Variants in CMTM8 observed in about 807,000 individuals in gnomAD.
The protein encoded by CMTM8 is CKLF like MARVEL transmembrane domain containing 8.
Under a neutral mutation model 18.6 loss-of-function variants are expected in CMTM8, and 12 were observed. The observed-to-expected ratio is 0.65, with a 90% confidence interval of 0.41 to 1.05. CMTM8 has a LOEUF of 1.05. Ranked by LOEUF, CMTM8 falls within the 50% of genes least tolerant of loss-of-function variation. The pLI, the probability that CMTM8 is intolerant of heterozygous loss-of-function variation, is 0.00. For missense variants in CMTM8, 217 were observed against 227.2 expected (o/e 0.95, Z 0.29); for synonymous variants, 87 against 90.6 (o/e 0.96, Z 0.23).
At chr3:32,353,854 G>A (rs1375954597) in intron 1 of CMTM8, among the ~76,000 whole-genome samples, 1 of 146,966 alleles carries the variant, frequency 6.8e-6, no homozygotes, top group African/African-American at 2.5e-5. Flanking sequence ...GCACGATCTC[G>A]GCTCACTGCA....
chr3:32,369,811 G>A, intron 3 of CMTM8, 73 bp from the exon 4 acceptor site: 1 of 909,594 alleles, frequency 1.1e-6, no homozygotes, highest in Non-Finnish European at 1.8e-6. Context: ...TGATTCAATG[G>A]AGGTGAAATG....
At chr3:32,294,275 G>A (rs116624455) in intron 1 of CMTM8, among the ~76,000 whole-genome samples, 1,589 of 152,284 alleles carry the variant, frequency 0.01, 31 homozygotes, top group African/African-American at 0.037. Flanking sequence ...CTGTGTCCAG[G>A]TCTTTGTGCT....
chr3:32,332,542 G>T (rs1258321676), intron 1 of CMTM8, among the ~76,000 whole-genome samples: 1 of 152,144 alleles, frequency 6.6e-6, no homozygotes, highest in Non-Finnish European at 1.5e-5. Flanking sequence ...TAGGGTAAAG[G>T]CCTCATGGGG....
intron 1 of CMTM8, among the ~76,000 whole-genome samples, chr3:32,291,028 G>A (rs893207379): frequency 1.3e-5 from 2 of 152,154 alleles, no homozygotes; most frequent in African/African-American, 2.4e-5. Context: ...GATTACAGGC[G>A]TGAACCGCTG....
intron 1 of CMTM8, among the ~76,000 whole-genome samples, chr3:32,255,983 C>T (rs918535303): frequency 6.6e-6 from 1 of 152,186 alleles, no homozygotes; most frequent in Non-Finnish European, 1.5e-5. Flanking sequence ...CTGCGTTGGC[C>T]TCCCAAAGTG....
intron 1 of CMTM8, among the ~76,000 whole-genome samples, chr3:32,293,846 A>G (rs911614140): frequency 2.0e-5 from 3 of 152,228 alleles, no homozygotes; most frequent in African/African-American, 7.2e-5. Flanking sequence ...CTCTGCCTCA[A>G]TAAATAAACA....
chr3:32,335,526 G>A (rs989561031), intron 1 of CMTM8, among the ~76,000 whole-genome samples: 1 of 152,186 alleles, frequency 6.6e-6, no homozygotes, highest in African/African-American at 2.4e-5. Flanking sequence ...GTTTTCAGGG[G>A]CCAGGTGGTC....
At chr3:32,362,804 A>C (rs901208770) in intron 2 of CMTM8, among the ~76,000 whole-genome samples, 1 of 152,122 alleles carries the variant, frequency 6.6e-6, no homozygotes, top group African/African-American at 2.4e-5. Context: ...AGAAAATGGG[A>C]CCTTCCTGTT....
chr3:32,247,875 A>G (rs918089072), intron 1 of CMTM8, among the ~76,000 whole-genome samples: 1 of 152,130 alleles, frequency 6.6e-6, no homozygotes, highest in African/African-American at 2.4e-5. Flanking sequence ...GTCACTCCCC[A>G]TTCCTCCCTT....
At chr3:32,344,900 CAAAA>C (rs1025278292) in intron 1 of CMTM8, among the ~76,000 whole-genome samples, 2 of 151,870 alleles carry the variant, frequency 1.3e-5, no homozygotes, top group Non-Finnish European at 2.9e-5. Flanking sequence ...GTCTCAAAAA[CAAAA>C]AACCTGACAT....
chr3:32,272,733 C>T (rs937334582), intron 1 of CMTM8, among the ~76,000 whole-genome samples: 1 of 152,102 alleles, frequency 6.6e-6, no homozygotes, highest in East Asian at 1.9e-4. Flanking sequence ...ATCTTTTCAC[C>T]CTCCACTCAT....
At chr3:32,344,287 GGTTAGCCTAGTTAATT>G (rs1291960415) in intron 1 of CMTM8, among the ~76,000 whole-genome samples, 1 of 152,122 alleles carries the variant, frequency 6.6e-6, no homozygotes, top group Non-Finnish European at 1.5e-5. Flanking sequence ...TTTACTTCTA[GGTTAGCCTAGTTAATT>G]GTCAAAAGTT....
chr3:32,259,269 G>T, intron 1 of CMTM8: 2 of 639,408 alleles, frequency 3.1e-6, no homozygotes, highest in Non-Finnish European at 5.8e-6. Flanking sequence ...CCGTGAACTG[G>T]AGGCTGGAGA....
At chr3:32,320,994 T>G (rs1696034419) in intron 1 of CMTM8, among the ~76,000 whole-genome samples, 1 of 152,164 alleles carries the variant, frequency 6.6e-6, no homozygotes, top group African/African-American at 2.4e-5. Context: ...TCTTTGTACT[T>G]CATAGGCAAC....
At chr3:32,341,687 G>A (rs1475488337) in intron 1 of CMTM8, among the ~76,000 whole-genome samples, 2 of 151,622 alleles carry the variant, frequency 1.3e-5, no homozygotes, top group Non-Finnish European at 2.9e-5. Flanking sequence ...GACCAGCCTG[G>A]CCAACATGGC....
chr3:32,242,548 G>A (rs1005525219), intron 1 of CMTM8, among the ~76,000 whole-genome samples: 1 of 152,032 alleles, frequency 6.6e-6, no homozygotes, highest in African/African-American at 2.4e-5. Flanking sequence ...GGCTGGTCTC[G>A]AACTCCTGAA....
chr3:32,302,618 T>G (rs1202866749), intron 1 of CMTM8, among the ~76,000 whole-genome samples: 2 of 152,136 alleles, frequency 1.3e-5, no homozygotes, highest in African/African-American at 4.8e-5. Context: ...AATTTAGAAG[T>G]GGACTTGTGA....
intron 1 of CMTM8, among the ~76,000 whole-genome samples, chr3:32,244,742 A>G (rs763360132): frequency 3.3e-5 from 5 of 152,178 alleles, no homozygotes; most frequent in Non-Finnish European, 5.9e-5. Context: ...TCTAGGGTTT[A>G]CTAGCATAAC....
chr3:32,246,537 C>A (rs928651870), intron 1 of CMTM8, among the ~76,000 whole-genome samples: 3 of 152,140 alleles, frequency 2.0e-5, no homozygotes, highest in Admixed American at 2.0e-4. Flanking sequence ...CCTTATTAAA[C>A]CCTACTCAGA....
Sources: allele counts gnomAD v4.1 joint callset (sites outside exome capture counted in the v4.1 genomes callset), GRCh38; gene constraint gnomAD v4.1.1; transcripts MANE v1.5; gene names NCBI Gene and HGNC (gene_info 2026-07-23, HGNC 2026-07-21).